CADPS: variants seen among roughly 807,000 people sequenced by gnomAD.
The protein encoded by CADPS is calcium dependent secretion activator.
In CADPS, 57 loss-of-function variants were observed where a neutral mutation model predicts 167.3. That is an observed-to-expected ratio of 0.34 (90% CI 0.28 to 0.42). CADPS has a LOEUF of 0.42. CADPS is among the 20% of genes least tolerant of loss of function. The pLI is 1.00. For synonymous variants in CADPS, 676 were observed against 635.3 expected (o/e 1.06, Z -0.96); for missense variants, 1,414 against 1,738.1 (o/e 0.81, Z 3.32).
intron 1 of CADPS, among the ~76,000 whole-genome samples, chr3:62,785,037 A>G (rs897032799): frequency 6.6e-6 from 1 of 152,206 alleles, no homozygotes; most frequent in Non-Finnish European, 1.5e-5. Context: ...ATCTATAAAT[A>G]TAATGTTATG....
chr3:62,681,810 A>G (rs943430428), intron 3 of CADPS, among the ~76,000 whole-genome samples: 2 of 152,048 alleles, frequency 1.3e-5, no homozygotes, highest in Non-Finnish European at 2.9e-5. Context: ...ATCATCCCCA[A>G]GATTCCTCCA....
chr3:62,607,021 G>C (rs1291740958), intron 6 of CADPS, among the ~76,000 whole-genome samples: 2 of 152,220 alleles, frequency 1.3e-5, no homozygotes, highest in Non-Finnish European at 2.9e-5. Flanking sequence ...TTTCGGGGTG[G>C]TTTGTTACAC....
intron 6 of CADPS, among the ~76,000 whole-genome samples, chr3:62,603,831 T>A (rs536570614): frequency 8.7e-4 from 133 of 152,102 alleles, no homozygotes; most frequent in African/African-American, 3.0e-3. Flanking sequence ...ATCTGTATGC[T>A]GTGTTTTTTT....
intron 1 of CADPS, among the ~76,000 whole-genome samples, chr3:62,795,598 C>CTCAT (rs1417402531): frequency 1.3e-5 from 2 of 150,598 alleles, no homozygotes; most frequent in Non-Finnish European, 2.9e-5. Context: ...TTCATAGGCC[C>CTCAT]TCATTCATTC....
At position 62,476,335 on chromosome 3, in the gene CADPS, G is replaced by A. The variant is rs576838553; in HGVS notation, c.3329+1926C>T. 6.6e-5 allele frequency among the ~76,000 whole-genome samples: 10 copies of A among 152,192 alleles called. No individual in the cohort carries two copies. The South Asian group carries it at 8.3e-4, about 13-fold the overall frequency. ...TATGTATTAAAACATTCAAAAACTC[G>A]TCCATGCTCTGTCCTCTGAATCTGT... On this transcript the variant is annotated intron_variant, in intron 23 of 29. Transcript: ENST00000383710.
chr3:62,791,189 T>C (rs1449774361), intron 1 of CADPS, among the ~76,000 whole-genome samples: 6 of 152,216 alleles, frequency 3.9e-5, no homozygotes, highest in Non-Finnish European at 7.3e-5. Context: ...GAATATTCTA[T>C]AGCAGTATAG....
chr3:62,527,556 C>T (rs17066522), intron 13 of CADPS, among the ~76,000 whole-genome samples: 15,285 of 152,098 alleles, frequency 0.1, 1,268 homozygotes, highest in African/African-American at 0.23. Flanking sequence ...ACAGCAAACA[C>T]CTTCCTGATT....
At chr3:62,722,849 T>C (rs1396158766) in intron 3 of CADPS, among the ~76,000 whole-genome samples, 3 of 152,034 alleles carry the variant, frequency 2.0e-5, no homozygotes, top group Non-Finnish European at 4.4e-5. Flanking sequence ...GCCGTGAGGG[T>C]CCTGTGCTCT....
intron 1 of CADPS, among the ~76,000 whole-genome samples, chr3:62,784,520 C>G (rs1307786460): frequency 6.6e-6 from 1 of 151,990 alleles, no homozygotes; most frequent in African/African-American, 2.4e-5. Context: ...TTAACAGTCC[C>G]CAAAGAGAGA....
At position 62,446,652 on chromosome 3, in the gene CADPS, T is replaced by C. The variant is rs1402439913; in HGVS notation, c.3637-855A>G. Among the ~76,000 whole-genome samples the C allele has an allele frequency of 1.3e-5, 2 of 152,198 alleles. No individual in the cohort carries two copies. Among genetic ancestry groups the C allele is most frequent in the African/African-American group, 4.8e-5 (2 of 41,452 alleles). On this transcript the variant is annotated intron_variant, in intron 26 of 29. Coordinates refer to ENST00000383710, the MANE Select transcript of CADPS (RefSeq NM_003716.4). The surrounding 1 kb of genome is among the most constrained non-coding windows in gnomAD (Gnocchi z 4.9). ...CCCCAGGATGTAAATACAGAACAAA[T>C]GGCAGCTAAGACGATGAATTCATAA...
At chr3:62,576,108 A>G (rs1043394339) in intron 8 of CADPS, among the ~76,000 whole-genome samples, 10 of 152,192 alleles carry the variant, frequency 6.6e-5, no homozygotes, top group African/African-American at 2.4e-4. Context: ...AGCTCCTCAC[A>G]CTACAGGCAG....
At chr3:62,407,307 C>A (rs1708877617) in intron 28 of CADPS, among the ~76,000 whole-genome samples, 1 of 152,180 alleles carries the variant, frequency 6.6e-6, no homozygotes, top group Non-Finnish European at 1.5e-5. Context: ...TGTATGCATG[C>A]CTTATAGGAC....
At chr3:62,639,299 A>T (rs2066940947) in intron 6 of CADPS, among the ~76,000 whole-genome samples, 1 of 152,188 alleles carries the variant, frequency 6.6e-6, no homozygotes, top group South Asian at 2.1e-4. Context: ...AACAGAAGAA[A>T]TAGTATCCAA....
chr3:62,634,953 A>G, intron 6 of CADPS, among the ~76,000 whole-genome samples: 1 of 152,150 alleles, frequency 6.6e-6, no homozygotes, highest in East Asian at 1.9e-4. Flanking sequence ...CATCTTATGC[A>G]CTTCTCTCTG....
chr3:62,792,150 T>A (rs2918041), intron 1 of CADPS, among the ~76,000 whole-genome samples: 141,162 of 152,126 alleles, frequency 0.93, 65,535 homozygotes, highest in East Asian at 1. Context: ...TTGTTCATTA[T>A]ATAAAATGTC....
At chr3:62,504,488 T>A (rs1246196994) in intron 17 of CADPS, among the ~76,000 whole-genome samples, 4 of 152,148 alleles carry the variant, frequency 2.6e-5, no homozygotes, top group Admixed American at 1.3e-4. Flanking sequence ...CTTGATCTGG[T>A]GGTGAATAAA....
At chr3:62,706,938 C>T (rs745473364) in intron 3 of CADPS, among the ~76,000 whole-genome samples, 1 of 152,094 alleles carries the variant, frequency 6.6e-6, no homozygotes, top group African/African-American at 2.4e-5. Context: ...CCCAGACTTC[C>T]TCACTATGTA....
At chr3:62,408,744 A>G (rs2048375111) in intron 28 of CADPS, among the ~76,000 whole-genome samples, 1 of 152,232 alleles carries the variant, frequency 6.6e-6, no homozygotes, top group South Asian at 2.1e-4. Flanking sequence ...ATTTGTTTTC[A>G]GAACAAGCCA....
intron 21 of CADPS, among the ~76,000 whole-genome samples, chr3:62,489,594 T>C (rs905017388): frequency 1.8e-4 from 27 of 152,330 alleles, no homozygotes; most frequent in African/African-American, 6.0e-4. Context: ...AACAAGTTCA[T>C]AGAGGTTTGA....
Sources: allele counts gnomAD v4.1 joint callset (sites outside exome capture counted in the v4.1 genomes callset), GRCh38; gene constraint gnomAD v4.1.1; non-coding constraint Gnocchi (gnomAD v3.1); transcripts MANE v1.5; gene names NCBI Gene and HGNC (gene_info 2026-07-23, HGNC 2026-07-21).